Variants in GPAT3 observed in about 807,000 individuals in gnomAD.
GPAT3 encodes glycerol-3-phosphate acyltransferase 3.
A neutral mutation model predicts 58.8 loss-of-function variants in GPAT3; 53 were observed. The observed-to-expected ratio is 0.90, with a 90% CI of 0.72 to 1.13. GPAT3 has a LOEUF of 1.13. GPAT3 is among the 50% of genes most tolerant of loss of function. GPAT3 has a pLI of 0.00. For synonymous variants in GPAT3, 197 were observed against 187.4 expected, an observed-to-expected ratio of 1.05 and a Z score of -0.42; for missense variants, 511 against 527.6, an observed-to-expected ratio of 0.97 and a Z score of 0.31.
chr4:83,556,519 G>A (rs576716130), intron 2 of GPAT3, among the ~76,000 whole-genome samples: 43 of 150,554 alleles, frequency 2.9e-4, no homozygotes, highest in Non-Finnish European at 4.7e-4. Flanking sequence ...AAAAGAAAAA[G>A]AAACAAACAA....
At chr4:83,590,104 A>C (rs1726539310) in intron 5 of GPAT3, 95 bp from the exon 6 acceptor site, 1 of 1,149,654 alleles carries the variant, frequency 8.7e-7, no homozygotes, top group Non-Finnish European at 1.2e-6. Context: ...AAAATTACAT[A>C]TATACACACA....
rs185019136 is a variant in GPAT3 at position 83,604,763 on chromosome 4, G to A, written c.1301G>A (p.Ser434Asn). 1 of 1,613,454 alleles carries A rather than the reference G, an allele frequency of 6.2e-7. No homozygotes were observed. The highest frequency in any genetic ancestry group is 1.7e-5 in the Admixed American group (1 of 59,978). Residue 434 changes from serine (S) to asparagine (N), a missense_variant, in exon 12 of 12, where the codon AGC (serine) becomes AAC (asparagine). Transcript: ENST00000264409. ...ATGATTGTGGGCAATGGATCTCTCA[G>A]CTAAGAGGACGGATGACAGCCTTTA... ...SKMIVGNGSL[S>N]
intron 2 of GPAT3, among the ~76,000 whole-genome samples, chr4:83,554,772 CTACACATGGAA>C (rs1724887231): frequency 6.7e-6 from 1 of 148,810 alleles, no homozygotes; most frequent in African/African-American, 2.5e-5. Flanking sequence ...GACTCCTCTT[CTACACATGGAA>C]TGGAATGGAA....
chr4:83,565,962 A>G (rs1260363160), intron 2 of GPAT3, among the ~76,000 whole-genome samples: 2 of 152,220 alleles, frequency 1.3e-5, no homozygotes, highest in African/African-American at 4.8e-5. Context: ...TAAGATCTTT[A>G]ACTGACATGG....
At chr4:83,541,393 C>CTT (rs777665390) in intron 1 of GPAT3, among the ~76,000 whole-genome samples, 34,935 of 113,524 alleles carry the variant, frequency 0.31, 6,751 homozygotes, top group Middle Eastern at 0.41. Context: ...AATTTAAAAC[C>CTT]TTTTTTTTTT....
rs1560621650 is a variant in GPAT3 at position 83,579,130 on chromosome 4, T to TTCCTTC, written c.209-2432_209-2431insTCCTTC. The stretch of plus-strand genomic sequence containing the variant: ...TCCTTCCTTCCTTCCTTCCTTCCTT[T>TTCCTTC]CTTTCTCCCTCCCTCCCTCTCTCTC... On this transcript the variant is annotated intron_variant, in intron 2 of 11. Transcript: ENST00000264409. Among the ~76,000 whole-genome samples, 18 of 77,070 alleles carry TTCCTTC rather than the reference T, an allele frequency of 2.3e-4. 2 individuals carry two copies. Among genetic ancestry groups the TTCCTTC allele is most frequent in the East Asian group, 1.0e-3 (2 of 1,954 alleles). 50.6% of individuals were successfully genotyped at this position (77,070 alleles called of 152,430 possible).
At chr4:83,578,948 T>TTTTCTTTCTTTCTTTCTTTCTTTC (rs1553946757) in intron 2 of GPAT3, among the ~76,000 whole-genome samples, 1 of 71,876 alleles carries the variant, frequency 1.4e-5, no homozygotes, top group Admixed American at 1.6e-4. Flanking sequence ...TTTTCTTTTC[T>TTTTCTTTCTTTCTTTCTTTCTTTC]TTTCTTTCTT....
intron 2 of GPAT3, among the ~76,000 whole-genome samples, chr4:83,563,845 C>T (rs1725280295): frequency 6.6e-6 from 1 of 152,054 alleles, no homozygotes. Context: ...GTATTCTGAG[C>T]CTTGTGTTCT....
At chr4:83,582,889 A>C (rs1726205495) in intron 3 of GPAT3, among the ~76,000 whole-genome samples, 1 of 152,150 alleles carries the variant, frequency 6.6e-6, no homozygotes, top group East Asian at 1.9e-4. Flanking sequence ...TTTCACATAT[A>C]ATTTTGCTTG....
chr4:83,593,253 C>T (rs1726678197), intron 6 of GPAT3, among the ~76,000 whole-genome samples: 2 of 146,328 alleles, frequency 1.4e-5, no homozygotes, highest in Admixed American at 1.4e-4. Flanking sequence ...CAACCTCTGC[C>T]TCCCAGGTTC....
At chr4:83,551,715 C>T (rs1055011680) in intron 2 of GPAT3, among the ~76,000 whole-genome samples, 3 of 148,572 alleles carry the variant, frequency 2.0e-5, no homozygotes, top group African/African-American at 5.0e-5. Context: ...TCGCTTGAAC[C>T]TGGGAGGCAG....
intron 5 of GPAT3, 99 bp from the exon 6 acceptor site, chr4:83,590,100 A>C (rs1726538992): frequency 9.3e-7 from 1 of 1,076,016 alleles, no homozygotes; most frequent in Admixed American, 2.7e-5. Flanking sequence ...AAAAAAAATT[A>C]CATATATACA....
intron 10 of GPAT3, 77 bp from the exon 11 acceptor site, chr4:83,598,567 A>G: frequency 1.7e-6 from 2 of 1,187,928 alleles, no homozygotes; most frequent in East Asian, 2.3e-5. Flanking sequence ...TTTTAAAACA[A>G]ATACAAATGA....
rs1727110352 is a variant in GPAT3 at position 83,602,877 on chromosome 4, A to G, written c.1206-1791A>G. ...TTATGTGGACAATTCTGTGGACCTA[A>G]CAACAATTTATAATCTTGTTTCATG... On this transcript the variant is annotated intron_variant, in intron 11 of 11. Transcript: ENST00000264409. Among the ~76,000 whole-genome samples, 4 of 152,346 alleles carry G rather than the reference A, an allele frequency of 2.6e-5. No individual in the cohort carries two copies. In the South Asian group the frequency reaches 8.3e-4, roughly 32 times the overall value.
At chr4:83,570,563 C>A (rs62305339) in intron 2 of GPAT3, among the ~76,000 whole-genome samples, 27,807 of 150,488 alleles carry the variant, frequency 0.18, 3,177 homozygotes, top group East Asian at 0.31. Context: ...ACCTCCGCCT[C>A]CTGGGTTCAA....
intron 9 of GPAT3, 29 bp downstream of exon 9, chr4:83,597,544 AATT>A: frequency 7.4e-7 from 1 of 1,346,192 alleles, no homozygotes; most frequent in Non-Finnish European, 1.0e-6. Context: ...TAAGAATAAT[AATT>A]ATTATAAAGA....
intron 6 of GPAT3, among the ~76,000 whole-genome samples, chr4:83,594,202 C>T (rs759891389): frequency 3.9e-5 from 6 of 152,186 alleles, no homozygotes; most frequent in Non-Finnish European, 8.8e-5. Context: ...CTGCATAATA[C>T]TCCATTATTT....
intron 6 of GPAT3, among the ~76,000 whole-genome samples, chr4:83,591,973 A>AG (rs1320599903): frequency 1.3e-5 from 2 of 152,306 alleles, no homozygotes; most frequent in East Asian, 3.9e-4. Context: ...CAAAAGCCCA[A>AG]GAAAGCAAAC....
At chr4:83,596,538 C>A (rs1355219148) in intron 7 of GPAT3, among the ~76,000 whole-genome samples, 3 of 152,030 alleles carry the variant, frequency 2.0e-5, no homozygotes, top group Non-Finnish European at 2.9e-5. Context: ...GGGAGGTTTG[C>A]TTGAGCTCAG....
Sources: gnomAD v4.1 joint callset for allele counts (sites outside exome capture counted in the v4.1 genomes callset) on GRCh38, gnomAD v4.1.1 for gene constraint, MANE v1.5 for transcripts, NCBI Gene and HGNC (gene_info 2026-07-23, HGNC 2026-07-21) for gene names.